Variants in AP3D1 observed in about 807,000 individuals in gnomAD.
AP3D1 encodes adaptor related protein complex 3 subunit delta 1.
A neutral mutation model predicts 147.6 loss-of-function variants in AP3D1; 51 were observed. The ratio of observed to expected loss-of-function variants is 0.35; its 90% confidence interval spans 0.28 to 0.44. AP3D1 has a LOEUF of 0.44. AP3D1 is among the 20% of genes least tolerant of loss of function. The pLI, the probability that AP3D1 is intolerant of heterozygous loss-of-function variation, is 1.00. For missense variants in AP3D1, 1,421 were observed against 1,624.2 expected, an observed-to-expected ratio of 0.87 and a Z score of 2.15; for synonymous variants, 760 against 663.0, an observed-to-expected ratio of 1.15 and a Z score of -2.25.
intron 24 of AP3D1, 52 bp downstream of exon 24, chr19:2,112,808 G>T: frequency 4.8e-6 from 7 of 1,451,766 alleles, no homozygotes; most frequent in Non-Finnish European, 6.6e-6. Flanking sequence ...CCACGTTGGG[G>T]TGCTGGGGCT....
chr19:2,132,253 G>C (rs532053552), intron 5 of AP3D1, among the ~76,000 whole-genome samples: 5 of 152,166 alleles, frequency 3.3e-5, no homozygotes, highest in African/African-American at 1.2e-4. Flanking sequence ...TGCTCCTCTC[G>C]GCAAGATGAT....
chr19:2,135,865 G>A lies in AP3D1; in HGVS notation c.354+1146C>T, dbSNP rs550023492. On this transcript the variant is annotated intron_variant, in intron 4 of 31. Transcript: ENST00000643116. ...CAGCTGCCACCTGGGTACCTAGGGC[G>A]GCTGGAGCCCTCCACCCTCCTCCCT... Among the ~76,000 whole-genome samples, 15 of 152,170 alleles carry A rather than the reference G, an allele frequency of 9.9e-5. No individual in the cohort carries two copies. The South Asian group carries it at 1.2e-3, about 13-fold the overall frequency.
intron 31 of AP3D1, among the ~76,000 whole-genome samples, chr19:2,105,622 G>A (rs976625281): frequency 1.3e-5 from 2 of 149,020 alleles, no homozygotes; most frequent in African/African-American, 4.9e-5. Flanking sequence ...TCTCAGCTCT[G>A]AAGACTGTGA....
chr19:2,115,480 CG>C, intron 19 of AP3D1, 57 bp downstream of exon 19: 1 of 1,608,284 alleles, frequency 6.2e-7, no homozygotes, highest in South Asian at 1.1e-5. Flanking sequence ...GGGAGGGCGG[CG>C]GGAGCACCCC....
intron 11 of AP3D1, 32 bp from the exon 12 acceptor site, chr19:2,121,911 G>C (rs749406807): frequency 1.3e-6 from 2 of 1,583,578 alleles, no homozygotes; most frequent in South Asian, 2.3e-5. Flanking sequence ...GGGTCACTGG[G>C]ACGGACACAG....
At position 2,111,725 on chromosome 19, in the gene AP3D1, G is replaced by A. The variant is rs547683806; in HGVS notation, c.2891C>T (p.Ala964Val). ...KKQPPGSEEA[A>V]GEPVQNGAPE... ...CGCGCCATTCTGCACCGGCTCCCCC[G>A]CTGCCTCCTCGCTGCCTGGAGGCTG... The change falls in exon 25 of 32, where the codon GCG (alanine) becomes GTG (valine). Residue 964 changes from alanine to valine, a missense_variant. Around this residue, in one of 6 missense-constraint regions of AP3D1, gnomAD observed 791 missense variants for 761.4 expected, o/e 1.04. Coordinates refer to ENST00000643116, the MANE Select transcript of AP3D1 (RefSeq NM_001261826.3). 7.3e-5 allele frequency: 117 copies of A among 1,604,730 alleles called. No individual in the cohort carries two copies. The East Asian group carries it at 2.0e-3, about 27-fold the overall frequency.
intron 1 of AP3D1, 89 bp downstream of exon 1, chr19:2,151,150 C>T (rs1482643697): frequency 9.5e-6 from 12 of 1,267,044 alleles, no homozygotes; most frequent in African/African-American, 6.2e-5. Flanking sequence ...CCCGGGCGGG[C>T]GGCAGGCCGA....
rs1383435441 is a variant in AP3D1 at position 2,109,164 on chromosome 19, T to C, written c.3394A>G (p.Ser1132Gly). The part of the protein sequence containing the change: ...KLLESGDLSM[S>G]SIKVDGIRMS... ...CGAATGCCATCGACTTTGATTGAGC[T>C]CATGCTCAAGTCCCCAGACTCCAGC... is the stretch of plus-strand genomic sequence containing the variant. The change falls in exon 30 of 32, where the codon AGC becomes GGC. Residue 1132 changes from serine (S) to glycine (G), a missense_variant. Ser to Gly is a moderately conservative substitution (Grantham distance 56). This residue lies in a region of AP3D1 where 791 missense variants were observed against 761.4 expected (regional missense o/e 1.04). Coordinates refer to ENST00000643116, the MANE Select transcript of AP3D1 (RefSeq NM_001261826.3). 2.5e-6 allele frequency: 4 copies of C among 1,608,934 alleles called. No individual in the cohort carries two copies. The African/African-American group carries it at 5.4e-5, about 22-fold the overall frequency.
In AP3D1 at chr19:2,114,254, G is replaced by C; in HGVS notation, c.2472C>G (p.Thr824=). 6.2e-7 allele frequency: 1 copy of C among 1,613,036 alleles called. No homozygotes were observed. The highest frequency in any genetic ancestry group is 1.7e-5 in the Admixed American group (1 of 59,768). The change falls in exon 22 of 32, where the codon ACC becomes ACG. Residue 824 remains threonine (T), a synonymous_variant. Coordinates refer to ENST00000643116, the MANE Select transcript of AP3D1 (RefSeq NM_001261826.3). ...EKLPIQKHRN[T]ETSKSPEKDV... Reference sequence around the variant, plus strand: ...CCTTCTCAGGGGATTTTGAGGTCTCGGTGTTTCTGTGTTTCTGAATAGGCA... The same window carrying C: ...CCTTCTCAGGGGATTTTGAGGTCTCCGTGTTTCTGTGTTTCTGAATAGGCA...
chr19:2,148,826 C>T (rs2019430639), intron 1 of AP3D1, among the ~76,000 whole-genome samples: 1 of 152,218 alleles, frequency 6.6e-6, no homozygotes, highest in Non-Finnish European at 1.5e-5. Context: ...TGATGCCACA[C>T]TCAAGTTTTA....
chr19:2,118,873 C>G, intron 14 of AP3D1, 41 bp from the exon 15 acceptor site: 1 of 1,575,300 alleles, frequency 6.3e-7, no homozygotes, highest in Non-Finnish European at 8.7e-7. Context: ...GATGCCAATC[C>G]CGGGGCTCCT....
intron 14 of AP3D1, among the ~76,000 whole-genome samples, chr19:2,120,061 GC>G (rs940943180): frequency 5.8e-4 from 89 of 152,340 alleles, no homozygotes; most frequent in African/African-American, 2.0e-3. Context: ...GCCGGGGCAG[GC>G]CCAGGGTGGG....
intron 9 of AP3D1, among the ~76,000 whole-genome samples, chr19:2,125,546 T>G (rs1279316817): frequency 6.6e-6 from 1 of 152,198 alleles, no homozygotes; most frequent in Non-Finnish European, 1.5e-5. Flanking sequence ...CTTGAACTCC[T>G]AACCTCAGGT....
upstream of AP3D1, among the ~76,000 whole-genome samples, chr19:2,152,484 A>G (rs1207352034): frequency 2.6e-5 from 4 of 152,100 alleles, no homozygotes; most frequent in African/African-American, 9.7e-5. Flanking sequence ...CAGAGGTTGC[A>G]GTGAGCCGAG....
intron 16 of AP3D1, 113 bp downstream of exon 16, chr19:2,117,109 C>T: frequency 1.5e-6 from 2 of 1,357,356 alleles, no homozygotes; most frequent in Non-Finnish European, 2.0e-6. Context: ...GGCCTCCAAT[C>T]AGCCCCACAC....
rs977372159 is a variant in AP3D1 at position 2,120,919 on chromosome 19, C to T, written c.1424G>A (p.Arg475Gln). Residue 475 changes from arginine to glutamine, a missense_variant, in exon 14 of 32, where the codon CGG becomes CAG. By Grantham distance (43) the Arg-to-Gln change is conservative. This residue lies in a region of AP3D1 where 310 missense variants were observed against 388.1 expected (regional missense o/e 0.80). Coordinates refer to ENST00000643116, the MANE Select transcript of AP3D1 (RefSeq NM_001261826.3). ...SAHLLASSTQ[R>Q]NGICEVLYAA... The stretch of plus-strand genomic sequence containing the variant: ...GTACAGCACCTCACAGATCCCGTTC[C>T]GCTGGGTGCTGCTGGCCAGCAGGTG... The T allele has an allele frequency of 5.0e-6, 8 of 1,611,644 alleles. No homozygotes were observed. Among genetic ancestry groups the T allele is most frequent in the Middle Eastern group, 1.6e-4 (1 of 6,062 alleles).
intron 5 of AP3D1, among the ~76,000 whole-genome samples, chr19:2,130,889 G>A (rs2018920630): frequency 6.6e-6 from 1 of 152,234 alleles, no homozygotes; most frequent in South Asian, 2.1e-4. Context: ...CCCTGCGACT[G>A]CTCAAATTCC....
In AP3D1 at chr19:2,102,236, G is replaced by A; in HGVS notation, c.3585C>T (p.Cys1195=). The A allele has an allele frequency of 6.2e-7, 1 of 1,613,980 alleles. No individual in the cohort carries two copies. Among genetic ancestry groups the A allele is most frequent in the Non-Finnish European group, 8.5e-7 (1 of 1,179,898 alleles). Residue 1195 remains cysteine (C), a synonymous_variant, in exon 32 of 32, where the codon TGC becomes TGT. Transcript: ENST00000643116. ...GENSVSVDGK[C]SDSTLLSNLL... is the part of the protein sequence containing the mutation. ...AGTTGCTCAGTAGCGTGGAGTCACTGCACTTCCCGTCGACTGAGACAGAGT... is the reference window on the plus strand; with the variant it reads ...AGTTGCTCAGTAGCGTGGAGTCACTACACTTCCCGTCGACTGAGACAGAGT...
chr19:2,121,698 G>C, intron 12 of AP3D1, 36 bp downstream of exon 12: 1 of 1,542,674 alleles, frequency 6.5e-7, no homozygotes, highest in Non-Finnish European at 8.7e-7. Context: ...AGAGAACTAA[G>C]GCCAGGCGGG....
Sources: gnomAD v4.1 joint callset for allele counts (sites outside exome capture counted in the v4.1 genomes callset) on GRCh38, gnomAD v4.1.1 for gene constraint, gnomAD v4.1.1 regional missense constraint, MANE v1.5 for transcripts, NCBI Gene and HGNC (gene_info 2026-07-23, HGNC 2026-07-21) for gene names.